The following GRIK5 variants were observed in gnomAD, a reference collection of about 807,000 sequenced individuals.
GRIK5 encodes glutamate ionotropic receptor kainate type subunit 5, also known as glutamate receptor ionotropic, kainate 5.
Under a neutral mutation model 97.4 loss-of-function variants are expected in GRIK5, and 43 were observed. The ratio of observed to expected loss-of-function variants is 0.44; its 90% CI spans 0.35 to 0.57. The LOEUF is 0.57. Among genes scored for constraint, GRIK5 ranks in the 20% least tolerant of loss-of-function variants. The pLI, the probability that GRIK5 is intolerant of heterozygous loss-of-function variation, is 0.01. For synonymous variants in GRIK5, 580 were observed against 583.5 expected, an observed-to-expected ratio of 0.99 and a Z score of 0.09; for missense variants, 1,015 against 1,382.0, an observed-to-expected ratio of 0.73 and a Z score of 4.21.
intron 15 of GRIK5, among the ~76,000 whole-genome samples, chr19:42,012,138 C>G (rs879347074): frequency 7.2e-5 from 11 of 152,312 alleles, no homozygotes; most frequent in East Asian, 1.9e-4. Context: ...CAGGCCAAAT[C>G]TGACCTGCTG....
intron 11 of GRIK5, among the ~76,000 whole-genome samples, chr19:42,043,365 T>C (rs1465728595): frequency 1.3e-5 from 2 of 151,636 alleles, no homozygotes; most frequent in African/African-American, 2.4e-5. Flanking sequence ...CAATTCCCCA[T>C]GAGGGAGGCA....
At chr19:42,011,116 A>C (rs1346785294) in intron 15 of GRIK5, among the ~76,000 whole-genome samples, 2 of 146,486 alleles carry the variant, frequency 1.4e-5, no homozygotes, top group Non-Finnish European at 3.0e-5. Context: ...TTTACTATCT[A>C]ACACACACAC....
At chr19:42,018,448 C>G (rs914408248) in intron 15 of GRIK5, among the ~76,000 whole-genome samples, 5 of 151,288 alleles carry the variant, frequency 3.3e-5, no homozygotes, top group African/African-American at 1.2e-4. Context: ...CACTTAAGGT[C>G]AGGAGTTAGA....
chr19:42,064,112 C>T (rs924953681), intron 3 of GRIK5, among the ~76,000 whole-genome samples: 2 of 152,152 alleles, frequency 1.3e-5, no homozygotes, highest in African/African-American at 4.8e-5. Flanking sequence ...CTCTTCAACC[C>T]CTTGGCCCCT....
At chr19:42,066,095 A>G (rs2076327577) in intron 1 of GRIK5, among the ~76,000 whole-genome samples, 1 of 152,110 alleles carries the variant, frequency 6.6e-6, no homozygotes, top group Admixed American at 6.5e-5. Context: ...ACAGCTACCA[A>G]AACAGGAGGG....
At position 42,067,959 on chromosome 19, in the gene GRIK5, G is replaced by A. The variant is rs571606091; in HGVS notation, c.-51+1282C>T. The stretch of plus-strand genomic sequence containing the variant: ...AGGAGAGACATCAGCAAAGGTGAGA[G>A]GCAAGGAGGGCCAGCGAAGGCACAC... On this transcript the variant is annotated intron_variant, in intron 1 of 19. Coordinates refer to ENST00000593562, the MANE Select transcript of GRIK5 (RefSeq NM_002088.5). 8.5e-5 allele frequency among the ~76,000 whole-genome samples: 13 copies of A among 152,296 alleles called. No individual in the cohort carries two copies. In the South Asian group the frequency reaches 2.1e-3, roughly 24 times the overall value.
At chr19:42,001,346 A>G (rs1192925655) in intron 19 of GRIK5, among the ~76,000 whole-genome samples, 6 of 152,196 alleles carry the variant, frequency 3.9e-5, no homozygotes, top group Non-Finnish European at 8.8e-5. Flanking sequence ...CTCCTGTCTC[A>G]GCCTCCTGAG....
At position 42,042,545 on chromosome 19, in the gene GRIK5, G is replaced by A. The variant is rs1471405954; in HGVS notation, c.1473+7C>T. ...ATGCATCTTTCCCGGCCCCAGTCCA[G>A]CCATACCCGGTTGATGAGCTCGCCA... is the stretch of plus-strand genomic sequence containing the variant. On this transcript the variant is annotated splice_region_variant and intron_variant, in intron 12 of 19. Coordinates refer to ENST00000593562, the MANE Select transcript of GRIK5 (RefSeq NM_002088.5). This position sits in a 1 kb window ranked among gnomAD's most constrained non-coding sequence, Gnocchi z 6.9. The A allele has an allele frequency of 6.2e-7, 1 of 1,606,236 alleles. No homozygotes were observed. The highest frequency in any genetic ancestry group is 1.1e-5 in the South Asian group (1 of 90,930).
chr19:42,023,811 C>A (rs1010964837), intron 12 of GRIK5, among the ~76,000 whole-genome samples: 3 of 152,244 alleles, frequency 2.0e-5, no homozygotes, highest in African/African-American at 7.2e-5. Flanking sequence ...ACAGCACTGG[C>A]CGCCTCATCG....
At position 42,056,992 on chromosome 19, in the gene GRIK5, G is replaced by C; in HGVS notation, c.688-14C>G. 2 of 1,548,524 alleles carry C rather than the reference G, an allele frequency of 1.3e-6. No individual in the cohort carries two copies. The highest frequency in any genetic ancestry group is 1.7e-6 in the Non-Finnish European group (2 of 1,143,760). On this transcript the variant is annotated splice_polypyrimidine_tract_variant and intron_variant, in intron 6 of 19. Transcript: ENST00000593562. ...CAGTTCCGAGGCCTGGAAAACACAGGAGGCAAAGAGGCAGAGTGAGAGACA... is the reference window on the plus strand; with the variant it reads ...CAGTTCCGAGGCCTGGAAAACACAGCAGGCAAAGAGGCAGAGTGAGAGACA...
In GRIK5 at chr19:42,065,560, G is replaced by C. The variant is rs1409202837; in HGVS notation, c.79+132C>G. ...CTGGACTCCTGGGTCCTGGGGGAAG[G>C]AGGAACTGGAGGCTGGGATTCCTTG... On this transcript the variant is annotated intron_variant, in intron 2 of 19. Transcript: ENST00000593562. This position sits in a 1 kb window ranked among gnomAD's most constrained non-coding sequence, Gnocchi z 5.8. 4.6e-5 allele frequency: 45 copies of C among 968,874 alleles called. No homozygotes were observed. Among genetic ancestry groups the C allele is most frequent in the Non-Finnish European group, 5.2e-5 (34 of 653,540 alleles). 60.0% of individuals were successfully genotyped at this position (968,874 alleles called of 1,614,324 possible).
At chr19:42,060,185 G>A (rs1203272209) in intron 5 of GRIK5, among the ~76,000 whole-genome samples, 1 of 151,672 alleles carries the variant, frequency 6.6e-6, no homozygotes, top group African/African-American at 2.4e-5. Flanking sequence ...CCTTGTTACT[G>A]CCCAGACTGC....
chr19:42,054,465 G>A lies in GRIK5; in HGVS notation c.911C>T (p.Ala304Val). ...ASTYLGPALS[A>V]ALMFDAVHVV... ...GTGCACGGCGTCAAACATCAGGGCG[G>A]CTGACAGCTGCGGTGGGACAGAGGC... Residue 304 changes from alanine (A) to valine (V), a missense_variant, in exon 9 of 20, where the codon GCC becomes GTC. This residue lies in a region of GRIK5 where 477 missense variants were observed against 701.1 expected (regional missense o/e 0.68). Transcript: ENST00000593562. 6.2e-7 allele frequency: 1 copy of A among 1,612,566 alleles called. No homozygotes were observed. The highest frequency in any genetic ancestry group is 2.2e-5 in the East Asian group (1 of 44,884).
At chr19:42,000,665 G>A (rs572705969) in intron 19 of GRIK5, among the ~76,000 whole-genome samples, 1 of 152,262 alleles carries the variant, frequency 6.6e-6, no homozygotes, top group East Asian at 1.9e-4. Flanking sequence ...CCCACCTCCC[G>A]CGTCCACGCC....
chr19:42,049,913 C>T (rs2076090154), intron 11 of GRIK5, among the ~76,000 whole-genome samples: 1 of 152,068 alleles, frequency 6.6e-6, no homozygotes, highest in Admixed American at 6.6e-5. Flanking sequence ...CCTCACTCTG[C>T]TATGAATATT....
intron 12 of GRIK5, among the ~76,000 whole-genome samples, chr19:42,030,989 A>G (rs1013069893): frequency 1.3e-5 from 2 of 152,192 alleles, no homozygotes; most frequent in African/African-American, 2.4e-5. Flanking sequence ...TTGATGTCAC[A>G]CTGAGCAAGA....
In GRIK5 at chr19:42,022,198, T is replaced by A; in HGVS notation, c.1587+43A>T. Reference sequence around the variant, plus strand: ...GGCTCCCACTCGCAGGCCCTGAGCCTCCATGCCAGGCAAGCAGCCCATGGT... The same window carrying A: ...GGCTCCCACTCGCAGGCCCTGAGCCACCATGCCAGGCAAGCAGCCCATGGT... On this transcript the variant is annotated intron_variant, in intron 13 of 19. Transcript: ENST00000593562. This position sits in a 1 kb window ranked among gnomAD's most constrained non-coding sequence, Gnocchi z 4.2. 1 of 1,521,424 alleles carries A rather than the reference T, an allele frequency of 6.6e-7. No homozygotes were observed. The highest frequency in any genetic ancestry group is 9.1e-7 in the Non-Finnish European group (1 of 1,096,356). 94.2% of individuals were successfully genotyped at this position (1,521,424 alleles called of 1,614,324 possible). A position where few individuals can be genotyped will look rare whatever the true frequency, so the allele number is the denominator to read the frequency against.
chr19:42,034,198 C>T lies in GRIK5; in HGVS notation c.1473+8354G>A, dbSNP rs58790387. Among the ~76,000 whole-genome samples, 1,299 of 152,024 alleles carry T rather than the reference C, an allele frequency of 8.5e-3. 22 individuals carry two copies. The highest frequency in any genetic ancestry group is 0.03 in the African/African-American group (1,242 of 41,470). On this transcript the variant is annotated intron_variant, in intron 12 of 19. Coordinates refer to ENST00000593562, the MANE Select transcript of GRIK5 (RefSeq NM_002088.5). ...CCAACATGGCAAAACTCTGCCTCTA[C>T]AAAAATACAAAAACCAGCCAGGCGT... is the stretch of plus-strand genomic sequence containing the variant.
chr19:42,003,581 G>A lies in GRIK5; in HGVS notation c.2366C>T (p.Pro789Leu). Residue 789 changes from proline (P) to leucine (L), a missense_variant, in exon 18 of 20, where the codon CCC becomes CTC. Coordinates refer to ENST00000593562, the MANE Select transcript of GRIK5 (RefSeq NM_002088.5). The surrounding 1 kb of genome is among the most constrained non-coding windows in gnomAD (Gnocchi z 4.2). The stretch of plus-strand genomic sequence containing the variant: ...TTTAGCTCGATGGTCCTCCTCCTTG[G>A]GGCACCGGCCCCCCTCCCACCACTT... ...KRKWWEGGRC[P>L]KEEDHRAKGL... The A allele has an allele frequency of 6.2e-7, 1 of 1,612,668 alleles. No individual in the cohort carries two copies. Among genetic ancestry groups the A allele is most frequent in the Non-Finnish European group, 8.5e-7 (1 of 1,179,294 alleles).
Sources: allele counts gnomAD v4.1 joint callset (sites outside exome capture counted in the v4.1 genomes callset), GRCh38; gene constraint gnomAD v4.1.1; regional missense constraint gnomAD v4.1.1; non-coding constraint Gnocchi (gnomAD v3.1); transcripts MANE v1.5; gene names NCBI Gene and HGNC (gene_info 2026-07-23, HGNC 2026-07-21).